Variants in CSMD2 observed in about 807,000 individuals in gnomAD.
CSMD2 encodes CUB and Sushi multiple domains 2, also known as CUB and sushi domain-containing protein 2.
CSMD2 carries 130 observed loss-of-function variants against 398.5 expected under a neutral mutation model. The ratio of observed to expected loss-of-function variants is 0.33; its 90% confidence interval spans 0.28 to 0.38. The LOEUF is 0.38. Ranked by LOEUF, CSMD2 falls within the 10% of genes least tolerant of loss-of-function variation. CSMD2 has a pLI of 1.00. For missense variants in CSMD2, 3,829 were observed against 4,764.9 expected, an observed-to-expected ratio of 0.80 and a Z score of 5.78; for synonymous variants, 1,828 against 1,908.5, an observed-to-expected ratio of 0.96 and a Z score of 1.10.
At chr1:33,817,570 C>T (rs1192738180) in intron 9 of CSMD2, among the ~76,000 whole-genome samples, 1 of 152,194 alleles carries the variant, frequency 6.6e-6, no homozygotes, top group Admixed American at 6.5e-5. Flanking sequence ...TCTAAAAGAA[C>T]CTGCAGCAAC....
chr1:34,134,210 A>G (rs1638478405), intron 1 of CSMD2, among the ~76,000 whole-genome samples: 1 of 152,084 alleles, frequency 6.6e-6, no homozygotes, highest in African/African-American at 2.4e-5. Flanking sequence ...TTGCCTGACA[A>G]CAGCCAACAC....
intron 22 of CSMD2, among the ~76,000 whole-genome samples, chr1:33,702,312 C>A (rs997937080): frequency 6.6e-6 from 1 of 152,060 alleles, no homozygotes; most frequent in Non-Finnish European, 1.5e-5. Flanking sequence ...GAAATTTAAA[C>A]CCTCACTGGA....
chr1:33,950,823 C>G (rs1465624694), intron 3 of CSMD2, among the ~76,000 whole-genome samples: 1 of 152,320 alleles, frequency 6.6e-6, no homozygotes, highest in Admixed American at 6.5e-5. Context: ...TGCCATGTCC[C>G]TGGGTATCTT....
intron 2 of CSMD2, among the ~76,000 whole-genome samples, chr1:34,080,960 A>AAGAAAGAAAGAG (rs1657019120): frequency 2.0e-5 from 2 of 100,068 alleles, no homozygotes; most frequent in Non-Finnish European, 4.1e-5. Flanking sequence ...GAAAGAAAGA[A>AAGAAAGAAAGAG]AGAAAGAAAG....
In CSMD2 at chr1:33,624,445, G is replaced by T; in HGVS notation, c.5625+74C>A. ...CAGGCCTTGGCACCAGCCAGCACCT[G>T]TGGTTGTCACCTGTGAGCTGTTACC... On this transcript the variant is annotated intron_variant, in intron 35 of 70. Transcript: ENST00000373381. The surrounding 1 kb of genome is among the most constrained non-coding windows in gnomAD (Gnocchi z 4.7). 2 of 1,572,762 alleles carry T rather than the reference G, an allele frequency of 1.3e-6. No individual in the cohort carries two copies. Among genetic ancestry groups the T allele is most frequent in the Non-Finnish European group, 1.7e-6 (2 of 1,156,012 alleles).
intron 2 of CSMD2, among the ~76,000 whole-genome samples, chr1:34,060,939 C>G (rs1285165172): frequency 6.6e-6 from 1 of 152,066 alleles, no homozygotes; most frequent in African/African-American, 2.4e-5. Context: ...CCACCTGTAT[C>G]CCCTGGGTCA....
At chr1:33,739,967 T>A (rs1335356783) in intron 14 of CSMD2, among the ~76,000 whole-genome samples, 1 of 152,202 alleles carries the variant, frequency 6.6e-6, no homozygotes, top group Non-Finnish European at 1.5e-5. Flanking sequence ...TTAATCATGC[T>A]TTGCCTTTTA....
intron 60 of CSMD2, among the ~76,000 whole-genome samples, chr1:33,538,486 G>A (rs543040386): frequency 6.6e-6 from 1 of 152,328 alleles, no homozygotes; most frequent in South Asian, 2.1e-4. Context: ...GTGTGTGTGT[G>A]TGTGTCTGTG....
At chr1:33,820,250 G>A (rs529865812) in intron 8 of CSMD2, among the ~76,000 whole-genome samples, 1 of 152,228 alleles carries the variant, frequency 6.6e-6, no homozygotes, top group South Asian at 2.1e-4. Flanking sequence ...GGATAACACT[G>A]GCAGTCTACA....
chr1:33,688,453 G>C (rs141825297), intron 25 of CSMD2, among the ~76,000 whole-genome samples: 98 of 152,338 alleles, frequency 6.4e-4, no homozygotes, highest in African/African-American at 2.3e-3. Context: ...GGTGTGAGGA[G>C]GAGTAAGATT....
intron 2 of CSMD2, among the ~76,000 whole-genome samples, chr1:34,056,794 A>G (rs1192412235): frequency 6.6e-6 from 1 of 152,160 alleles, no homozygotes; most frequent in Non-Finnish European, 1.5e-5. Flanking sequence ...CTTATTTGGG[A>G]GTTGACCCTA....
At chr1:33,644,952 C>T (rs1010266938) in intron 29 of CSMD2, among the ~76,000 whole-genome samples, 1 of 152,132 alleles carries the variant, frequency 6.6e-6, no homozygotes, top group East Asian at 1.9e-4. Context: ...TTTTGCACAC[C>T]AGTCTTCTAG....
At chr1:33,801,256 C>T (rs2124922691) in intron 10 of CSMD2, among the ~76,000 whole-genome samples, 1 of 152,294 alleles carries the variant, frequency 6.6e-6, no homozygotes, top group Non-Finnish European at 1.5e-5. Flanking sequence ...GGTGGATTAA[C>T]TATCCTGATC....
intron 5 of CSMD2, among the ~76,000 whole-genome samples, chr1:33,856,990 G>A (rs1044355423): frequency 5.3e-5 from 8 of 151,996 alleles, no homozygotes; most frequent in Non-Finnish European, 2.9e-5. Context: ...TGTACAGCAA[G>A]GTAGACTCGT....
chr1:34,098,146 A>G (rs2148402580), intron 1 of CSMD2, among the ~76,000 whole-genome samples: 1 of 126,016 alleles, frequency 7.9e-6, no homozygotes. Flanking sequence ...CATCATTCTC[A>G]GTAAACTATC....
intron 5 of CSMD2, among the ~76,000 whole-genome samples, chr1:33,865,358 G>A (rs909405833): frequency 2.0e-5 from 3 of 151,040 alleles, no homozygotes; most frequent in Non-Finnish European, 4.4e-5. Flanking sequence ...GAACTCCCAG[G>A]GGTGTTCCCT....
chr1:34,020,476 C>T (rs1004892817), intron 3 of CSMD2, among the ~76,000 whole-genome samples: 1 of 152,128 alleles, frequency 6.6e-6, no homozygotes, highest in East Asian at 1.9e-4. Flanking sequence ...TGAGCAAGGC[C>T]AGGGCTGGGG....
chr1:33,625,265 C>T lies in CSMD2; in HGVS notation c.5297-11G>A. On this transcript the variant is annotated splice_polypyrimidine_tract_variant and intron_variant, in intron 33 of 70. Transcript: ENST00000373381. ...TGGTTCGAGGAACCGCTGTGGGGGA[C>T]AAGGGCACTGAGGGGAGGCCTCACC... 1 of 1,605,894 alleles carries T rather than the reference C, an allele frequency of 6.2e-7. No homozygotes were observed. The highest frequency in any genetic ancestry group is 8.5e-7 in the Non-Finnish European group (1 of 1,176,894).
In CSMD2 at chr1:33,697,133, A is replaced by G. The variant is rs533761670; in HGVS notation, c.3925+1620T>C. Among the ~76,000 whole-genome samples, 157 of 152,326 alleles carry G rather than the reference A, an allele frequency of 1.0e-3. 1 individual carries two copies. The highest frequency in any genetic ancestry group is 3.1e-3 in the African/African-American group (130 of 41,584). ...GTCCAACTGGCATATTTGATATTCA[A>G]AGTAATCTTACAGTGAATCTTTTCT... On this transcript the variant is annotated intron_variant, in intron 24 of 70. Transcript: ENST00000373381.
Sources: allele counts gnomAD v4.1 joint callset (sites outside exome capture counted in the v4.1 genomes callset), GRCh38; gene constraint gnomAD v4.1.1; non-coding constraint Gnocchi (gnomAD v3.1); transcripts MANE v1.5; gene names NCBI Gene and HGNC (gene_info 2026-07-23, HGNC 2026-07-21).